The following LIMS1 variants were observed in gnomAD, a reference collection of about 807,000 sequenced individuals.
LIMS1 encodes the protein LIM zinc finger domain containing 1, also known as LIM and senescent cell antigen-like-containing domain protein 1.
In LIMS1, 18 loss-of-function variants were observed where a neutral mutation model predicts 44.1. The observed-to-expected ratio is 0.41, with a 90% CI of 0.28 to 0.61. The LOEUF (loss-of-function observed/expected upper bound fraction) is 0.61. LIMS1 is among the 20% of genes least tolerant of loss of function. The pLI is 0.32. For synonymous variants in LIMS1, 93 were observed against 149.1 expected (o/e 0.62, Z 2.74); for missense variants, 201 against 422.0 (o/e 0.48, Z 4.59).
chr2:108,587,224 A>C (rs1166190050), intron 1 of LIMS1, among the ~76,000 whole-genome samples: 1 of 151,608 alleles, frequency 6.6e-6, no homozygotes, highest in Non-Finnish European at 1.5e-5. Context: ...ACCAGCTCTA[A>C]GAGTGGCTAG....
chr2:108,654,616 G>A (rs1486597239), intron 1 of LIMS1, among the ~76,000 whole-genome samples: 1 of 152,128 alleles, frequency 6.6e-6, no homozygotes, highest in Non-Finnish European at 1.5e-5. Context: ...CTCAGGGAGA[G>A]CTTGTCAGGG....
intron 2 of LIMS1, among the ~76,000 whole-genome samples, chr2:108,670,472 A>T (rs1287831019): frequency 6.6e-6 from 1 of 152,266 alleles, no homozygotes; most frequent in East Asian, 1.9e-4. Context: ...CATAGCTTTC[A>T]TCAGATTCAT....
intron 1 of LIMS1, among the ~76,000 whole-genome samples, chr2:108,623,903 G>A (rs79165193): frequency 0.012 from 1,854 of 152,346 alleles, 45 homozygotes; most frequent in African/African-American, 0.043. Context: ...AACACGAGAT[G>A]CACGTGCTTA....
At chr2:108,568,137 G>A (rs934953482) in intron 1 of LIMS1, among the ~76,000 whole-genome samples, 2 of 152,156 alleles carry the variant, frequency 1.3e-5, no homozygotes, top group African/African-American at 2.4e-5. Context: ...TATGCCATAG[G>A]AACTTAACTC....
At chr2:108,665,449 C>T (rs968436320) in intron 2 of LIMS1, among the ~76,000 whole-genome samples, 1 of 152,164 alleles carries the variant, frequency 6.6e-6, no homozygotes, top group African/African-American at 2.4e-5. Context: ...TGTTATCTGG[C>T]GGATGACTGC....
Position 108,610,148 on chromosome 2 carries a change from ATGTGTGTGTGTGTGTGTGTGTGTGTG to A in LIMS1, c.33-49435_33-49410del, listed in dbSNP as rs60571292. On this transcript the variant is annotated intron_variant, in intron 1 of 9. Coordinates refer to ENST00000544547, the Ensembl canonical transcript of LIMS1. ...ACAAAGTGAGACTCTGTTACAAAAA[ATGTGTGTGTGTGTGTGTGTGTGTGTG>A]TGTGTGTGTGTGTGTGTGTGTATTA... Among the ~76,000 whole-genome samples, 29 of 143,390 alleles carry A rather than the reference ATGTGTGTGTGTGTGTGTGTGTGTGTG, an allele frequency of 2.0e-4. No individual in the cohort carries two copies. In the South Asian group the frequency reaches 2.1e-3, roughly 10 times the overall value. 94.1% of individuals were successfully genotyped at this position (143,390 alleles called of 152,430 possible). A position where few individuals can be genotyped will look rare whatever the true frequency, so the allele number is the denominator to read the frequency against.
intron 5 of LIMS1, 36 bp from the exon 6 acceptor site, chr2:108,675,842 T>C (rs371566527): frequency 2.4e-5 from 38 of 1,613,776 alleles, no homozygotes; most frequent in Non-Finnish European, 3.0e-5. Flanking sequence ...CACTTTTCTC[T>C]CTTAGTATTA....
chr2:108,602,852 A>G (rs1349499029), intron 1 of LIMS1, among the ~76,000 whole-genome samples: 1 of 152,250 alleles, frequency 6.6e-6, no homozygotes, highest in Non-Finnish European at 1.5e-5. Context: ...TGAAACCTCA[A>G]CCTACTGAGT....
Position 108,657,526 on chromosome 2 carries a change from C to G in LIMS1, c.33-2079C>G, listed in dbSNP as rs1219569815. ...TCCAGGAATACCTGTGGACTTTGGT[C>G]AGAAAGAGGGAAGAAGCACAAACCC... On this transcript the variant is annotated intron_variant, in intron 1 of 9. Coordinates refer to ENST00000544547, the Ensembl canonical transcript of LIMS1. Among the ~76,000 whole-genome samples the G allele has an allele frequency of 2.0e-4, 31 of 152,388 alleles. No individual in the cohort carries two copies. The East Asian group carries it at 6.0e-3, about 29-fold the overall frequency.
At chr2:108,596,052 A>C (rs933609660) in intron 1 of LIMS1, among the ~76,000 whole-genome samples, 1 of 152,244 alleles carries the variant, frequency 6.6e-6, no homozygotes, top group African/African-American at 2.4e-5. Context: ...GAAGTGACTT[A>C]AAGCTGCTAA....
chr2:108,617,942 A>G (rs1313813121), intron 1 of LIMS1, among the ~76,000 whole-genome samples: 1 of 152,236 alleles, frequency 6.6e-6, no homozygotes, highest in Admixed American at 6.5e-5. Flanking sequence ...GGCCAGACCA[A>G]TTGTTAAGGC....
At chr2:108,577,664 T>C (rs1276043050) in intron 1 of LIMS1, among the ~76,000 whole-genome samples, 2 of 152,244 alleles carry the variant, frequency 1.3e-5, no homozygotes, top group Non-Finnish European at 2.9e-5. Context: ...AAAATGTATT[T>C]TACATTCTTA....
chr2:108,620,906 T>G (rs1247187281), intron 1 of LIMS1, among the ~76,000 whole-genome samples: 32 of 152,118 alleles, frequency 2.1e-4, no homozygotes, highest in Admixed American at 1.6e-3. Context: ...GGCGGTTCTT[T>G]AAACTGACAA....
chr2:108,534,502 G>A, exon 1 of LIMS1: 3 of 1,167,706 alleles, frequency 2.6e-6, no homozygotes. Flanking sequence ...GGACTAGGAC[G>A]CGGCTGGAGC....
At chr2:108,594,252 G>T (rs909912918) in intron 1 of LIMS1, among the ~76,000 whole-genome samples, 3 of 152,126 alleles carry the variant, frequency 2.0e-5, no homozygotes, top group African/African-American at 7.2e-5. Flanking sequence ...TGAATTCTGT[G>T]GAAGTGATTA....
intron 1 of LIMS1, among the ~76,000 whole-genome samples, chr2:108,654,069 C>T (rs1264179654): frequency 1.3e-5 from 2 of 151,692 alleles, no homozygotes; most frequent in Non-Finnish European, 2.9e-5. Flanking sequence ...GGAGTTTTCT[C>T]GCGGGCAAAT....
At chr2:108,676,512 T>G in intron 6 of LIMS1, 94 bp from the exon 7 acceptor site, 1 of 1,447,584 alleles carries the variant, frequency 6.9e-7, no homozygotes, top group Admixed American at 2.5e-5. Flanking sequence ...CAAACTTTCC[T>G]TCATCTTCTC....
At position 108,611,895 on chromosome 2, in the gene LIMS1, CAT is replaced by C. The variant is rs1412880615; in HGVS notation, c.33-47704_33-47703del. Among the ~76,000 whole-genome samples, 20 of 141,648 alleles carry C rather than the reference CAT, an allele frequency of 1.4e-4. No individual in the cohort carries two copies. In the South Asian group the frequency reaches 1.5e-3, roughly 11 times the overall value. 92.9% of individuals were successfully genotyped at this position (141,648 alleles called of 152,430 possible). ...CACATATATATAAAATATATACACA[CAT>C]ATATAAAATATACACACATATAAAA... On this transcript the variant is annotated intron_variant, in intron 1 of 9. Transcript: ENST00000544547.
rs1491552343 is a variant in LIMS1 at position 108,637,145 on chromosome 2, GTA to G, written c.33-22458_33-22457del. ...TGTGTGTGTGTGTGTGTGTGTGTGTGTATTTTAGTTCCTCTGCTTCATCCTGG... is the reference window on the plus strand; with the variant it reads ...TGTGTGTGTGTGTGTGTGTGTGTGTGTTTTAGTTCCTCTGCTTCATCCTGG... On this transcript the variant is annotated intron_variant, in intron 1 of 9. Coordinates refer to ENST00000544547, the Ensembl canonical transcript of LIMS1. Among the ~76,000 whole-genome samples the G allele has an allele frequency of 1.8e-3, 251 of 142,118 alleles. 1 individual carries two copies. The highest frequency in any genetic ancestry group is 8.4e-4 in the East Asian group (4 of 4,734). 93.2% of individuals were successfully genotyped at this position (142,118 alleles called of 152,430 possible). A position where few individuals can be genotyped will look rare whatever the true frequency, so the allele number is the denominator to read the frequency against.
Sources: allele counts gnomAD v4.1 joint callset (sites outside exome capture counted in the v4.1 genomes callset), GRCh38; gene constraint gnomAD v4.1.1; transcripts MANE v1.5; gene names NCBI Gene and HGNC (gene_info 2026-07-23, HGNC 2026-07-21).